Variants in STAB1 observed in about 807,000 individuals in gnomAD.
The protein encoded by STAB1 is stabilin 1.
A neutral mutation model predicts 332.4 loss-of-function variants in STAB1; 250 were observed. The observed-to-expected ratio is 0.75, with a 90% CI of 0.68 to 0.84. The LOEUF (loss-of-function observed/expected upper bound fraction) is 0.84. STAB1 is among the 40% of genes least tolerant of loss of function. STAB1 has a pLI of 0.00. For synonymous variants in STAB1, 1,475 were observed against 1,390.4 expected (o/e 1.06, Z -1.35); for missense variants, 3,249 against 3,489.7 (o/e 0.93, Z 1.74).
intron 1 of STAB1, among the ~76,000 whole-genome samples, chr3:52,499,598 C>T (rs974869950): frequency 2.0e-5 from 3 of 152,188 alleles, no homozygotes; most frequent in African/African-American, 7.2e-5. Context: ...GCCAGAGGGC[C>T]AATTTAAAAC....
rs771601500 is a variant in STAB1 at position 52,505,891 on chromosome 3, T to C, written c.1704T>C (p.Ser568=). The change falls in exon 16 of 69, where the codon TCT becomes TCC. Residue 568 remains serine, a synonymous_variant. Transcript: ENST00000321725. ...RLIYLFTAGL[S]KLQELVRYHI... ...TCTCTCTCCCCTGCCAGGGTCTCTC[T>C]AAACTGCAGGAGTTGGTGCGGTACC... The C allele has an allele frequency of 1.2e-6, 2 of 1,613,972 alleles. No homozygotes were observed. The highest frequency in any genetic ancestry group is 1.7e-6 in the Non-Finnish European group (2 of 1,180,036).
intron 1 of STAB1, among the ~76,000 whole-genome samples, chr3:52,497,401 C>A (rs1012443688): frequency 7.0e-6 from 1 of 142,666 alleles, no homozygotes; most frequent in African/African-American, 2.6e-5. Context: ...TATGTGAATT[C>A]GATGCCTTTT....
rs1363591253 is a variant in STAB1 at position 52,514,975 on chromosome 3, C to T, written c.3808-14C>T. 1.2e-6 allele frequency: 2 copies of T among 1,613,290 alleles called. No individual in the cohort carries two copies. Among genetic ancestry groups the T allele is most frequent in the Non-Finnish European group, 1.7e-6 (2 of 1,179,950 alleles). On this transcript the variant is annotated splice_polypyrimidine_tract_variant and intron_variant, in intron 35 of 68. Transcript: ENST00000321725. Reference sequence around the variant, plus strand: ...GGCCTGGACTGCCTGATGCCCCACCCTTTTTCCCTCTAGGAGAAATGTGTA... The same window carrying T: ...GGCCTGGACTGCCTGATGCCCCACCTTTTTTCCCTCTAGGAGAAATGTGTA...
intron 6 of STAB1, 52 bp downstream of exon 6, chr3:52,502,779 CAA>C (rs1559672946): frequency 6.4e-7 from 1 of 1,565,554 alleles, no homozygotes; most frequent in Admixed American, 1.7e-5. Flanking sequence ...GTGGCCAGAG[CAA>C]AAGAGGCCGA....
At chr3:52,496,034 T>C (rs991557364) in intron 1 of STAB1, among the ~76,000 whole-genome samples, 1 of 152,104 alleles carries the variant, frequency 6.6e-6, no homozygotes, top group African/African-American at 2.4e-5. Context: ...CCCGGGCAGG[T>C]CCCCTTGAAT....
intron 20 of STAB1, 68 bp downstream of exon 20, chr3:52,508,094 G>T (rs377707937): frequency 1.3e-6 from 2 of 1,524,916 alleles, no homozygotes; most frequent in Non-Finnish European, 1.8e-6. Context: ...GGGCCCCCAA[G>T]CTGGGGCTGA....
At position 52,520,227 on chromosome 3, in the gene STAB1, C is replaced by A. The variant is rs144421295; in HGVS notation, c.5436C>A (p.Asn1812Lys). Residue 1812 changes from asparagine (N) to lysine (K), a missense_variant, in exon 52 of 69, where the codon AAC (asparagine) becomes AAA (lysine). By Grantham distance (94) the Asn-to-Lys change is moderately conservative. Transcript: ENST00000321725. ...AGGCCTTGGCATCTGACCTGCCCAACCTGGGCCCACTTCGAACCATGCATG... is the reference window on the plus strand; with the variant it reads ...AGGCCTTGGCATCTGACCTGCCCAAACTGGGCCCACTTCGAACCATGCATG... ...NVEALASDLPNLGPLRTMHGT... is the reference protein window; with the variant it reads ...NVEALASDLPKLGPLRTMHGT... The A allele has an allele frequency of 8.1e-6, 13 of 1,613,180 alleles. No individual in the cohort carries two copies. In the Middle Eastern group the frequency reaches 4.9e-4, roughly 61 times the overall value.
chr3:52,506,500 G>A (rs932186673), intron 17 of STAB1, among the ~76,000 whole-genome samples, 192 bp from the exon 18 acceptor site: 12 of 152,250 alleles, frequency 7.9e-5, no homozygotes, highest in African/African-American at 2.9e-4. Context: ...AGCCATGTGG[G>A]TAAGGACCCG....
chr3:52,501,887 C>T (rs1310379244), intron 3 of STAB1, 119 bp from the exon 4 acceptor site: 13 of 1,424,180 alleles, frequency 9.1e-6, no homozygotes, highest in East Asian at 4.8e-5. Flanking sequence ...CTCCAAGGCT[C>T]GGCCCCCTTG....
rs560970038 is a variant in STAB1 at position 52,517,399 on chromosome 3, C to T, written c.4563+6C>T. The T allele has an allele frequency of 2.7e-5, 43 of 1,599,254 alleles. No homozygotes were observed. The Admixed American group carries it at 3.8e-4, about 14-fold the overall frequency. On this transcript the variant is annotated splice_donor_region_variant and intron_variant, in intron 43 of 68. Transcript: ENST00000321725. ...TCCCCACTGGCCCCCAGCAGGTCAG[C>T]ATGGCAGGGTTGGACATGGGGCATC...
Position 52,501,680 on chromosome 3 carries a change from C to T in STAB1, c.258C>T (p.Gly86=). The T allele has an allele frequency of 6.3e-7, 1 of 1,579,698 alleles. No homozygotes were observed. The highest frequency in any genetic ancestry group is 1.2e-5 in the South Asian group (1 of 86,168). The part of the protein sequence containing the change: ...QLGGSMVSMS[G]CRRKCRKQVV... ...GGGGCTCTATGGTGTCCATGAGCGG[C>T]TGCAGACGGAAGTGCCGGAAGCAAG... Residue 86 remains glycine (G), a synonymous_variant, in exon 3 of 69, where the codon GGC becomes GGT. Coordinates refer to ENST00000321725, the MANE Select transcript of STAB1 (RefSeq NM_015136.3).
intron 2 of STAB1, 72 bp downstream of exon 2, chr3:52,501,374 C>G (rs566575595): frequency 6.3e-6 from 10 of 1,577,590 alleles, no homozygotes; most frequent in Admixed American, 1.7e-5. Flanking sequence ...GGGAGCCTGA[C>G]AGGCCCACAA....
At chr3:52,519,152 G>A (rs1011320710) in intron 48 of STAB1, 112 bp from the exon 49 acceptor site, 1 of 1,257,068 alleles carries the variant, frequency 8.0e-7, no homozygotes, top group South Asian at 1.4e-5. Flanking sequence ...CCGAAGAACC[G>A]GGACTGCCTG....
Position 52,505,316 on chromosome 3 carries a change from C to G in STAB1, c.1519-3C>G. On this transcript the variant is annotated splice_polypyrimidine_tract_variant and splice_region_variant and intron_variant, in intron 13 of 68. Transcript: ENST00000321725. ...GGGCCCTCACACTCATCCCTCCTTA[C>G]AGAGAACTATCGGACAGATCCTCGC... The G allele has an allele frequency of 1.9e-6, 3 of 1,613,674 alleles. No individual in the cohort carries two copies. Among genetic ancestry groups the G allele is most frequent in the Non-Finnish European group, 2.5e-6 (3 of 1,179,918 alleles).
chr3:52,523,522 C>T lies in STAB1; in HGVS notation c.7236C>T (p.Gly2412=). The T allele has an allele frequency of 6.2e-7, 1 of 1,612,868 alleles. No homozygotes were observed. The highest frequency in any genetic ancestry group is 1.3e-5 in the African/African-American group (1 of 75,046). The change falls in exon 65 of 69, where the codon GGC becomes GGT. Residue 2412 remains glycine, a synonymous_variant. Coordinates refer to ENST00000321725, the MANE Select transcript of STAB1 (RefSeq NM_015136.3). ...SQGKLLPAHS[G]LSLIISDAGP... is the part of the protein sequence containing the mutation. ...GGAAGTTGCTTCCGGCCCACTCAGGCCTCAGCCTCATCATCAGTGACGCAG... is the reference window on the plus strand; with the variant it reads ...GGAAGTTGCTTCCGGCCCACTCAGGTCTCAGCCTCATCATCAGTGACGCAG...
At position 52,511,716 on chromosome 3, in the gene STAB1, C is replaced by A. The variant is rs375779383; in HGVS notation, c.2854C>A (p.Arg952=). The A allele has an allele frequency of 6.2e-7, 1 of 1,605,660 alleles. No homozygotes were observed. The highest frequency in any genetic ancestry group is 1.7e-5 in the Admixed American group (1 of 59,552). ...GYQCSPIDPC[R]AGNGGCHGLA... ...CCAGTGCAGCCCCATCGACCCCTGC[C>A]GGGCAGGCAATGGCGGCTGCCACGG... The change falls in exon 26 of 69, where the codon CGG becomes AGG. Residue 952 remains arginine (R), a synonymous_variant. Transcript: ENST00000321725.
At position 52,505,087 on chromosome 3, in the gene STAB1, C is replaced by T. The variant is rs867339866; in HGVS notation, c.1462C>T (p.His488Tyr). The change falls in exon 13 of 69, where the codon CAC becomes TAC. Residue 488 changes from histidine (H) to tyrosine (Y), a missense_variant. Transcript: ENST00000321725. ...ANNIAANGVF[H>Y]VVTGLRWQAP... ...CAACATAGCAGCTAATGGCGTCTTC[C>T]ACGTGGTCACTGGCCTGCGGTGGCA... 2 of 1,613,726 alleles carry T rather than the reference C, an allele frequency of 1.2e-6. No individual in the cohort carries two copies. The highest frequency in any genetic ancestry group is 1.7e-6 in the Non-Finnish European group (2 of 1,180,022).
chr3:52,523,615 C>G (rs894459410), intron 65 of STAB1, 37 bp from the exon 66 acceptor site: 3 of 1,612,764 alleles, frequency 1.9e-6, no homozygotes, highest in East Asian at 2.2e-5. Context: ...GGCCCTGGCC[C>G]TCGCTCACAG....
rs761982003 is a variant in STAB1, at chr3:52,520,480, C to T, written c.5580C>T (p.Ile1860=). ...LPFEGGLAYG[I]DQLLEPPGLG... is the part of the protein sequence containing the mutation. Reference sequence around the variant, plus strand: ...TTGAGGGTGGCCTGGCCTATGGCATCGACCAGCTGCTGGAGCCACCTGGCC... The same window carrying T: ...TTGAGGGTGGCCTGGCCTATGGCATTGACCAGCTGCTGGAGCCACCTGGCC... The change falls in exon 53 of 69, where the codon ATC becomes ATT. Residue 1860 remains isoleucine, a synonymous_variant. Transcript: ENST00000321725. The T allele has an allele frequency of 1.7e-5, 28 of 1,612,552 alleles. No individual in the cohort carries two copies. The highest frequency in any genetic ancestry group is 4.5e-5 in the East Asian group (2 of 44,886).
Sources: allele counts gnomAD v4.1 joint callset (sites outside exome capture counted in the v4.1 genomes callset), GRCh38; gene constraint gnomAD v4.1.1; transcripts MANE v1.5; gene names NCBI Gene and HGNC (gene_info 2026-07-23, HGNC 2026-07-21).